VGLL4: variants seen among roughly 807,000 people sequenced by gnomAD.
VGLL4 encodes the protein transcription cofactor vestigial-like protein 4.
A neutral mutation model predicts 21.0 loss-of-function variants in VGLL4; 7 were observed. The observed-to-expected ratio is 0.33, with a 90% CI of 0.19 to 0.63. The LOEUF is 0.63. Ranked by LOEUF, VGLL4 falls within the 20% of genes least tolerant of loss-of-function variation. The pLI is 0.78. For synonymous variants in VGLL4, 222 were observed against 173.2 expected (o/e 1.28, Z -2.21); for missense variants, 394 against 425.7 (o/e 0.93, Z 0.66).
chr3:11,575,237 C>T (rs1018752568), intron 2 of VGLL4, among the ~76,000 whole-genome samples: 16 of 152,152 alleles, frequency 1.1e-4, no homozygotes, highest in South Asian at 2.1e-4. Context: ...GGAAGGCGGC[C>T]GCACTGAGTG....
intron 1 of VGLL4, among the ~76,000 whole-genome samples, chr3:11,712,958 T>C (rs1015958215): frequency 6.6e-6 from 1 of 152,312 alleles, no homozygotes; most frequent in South Asian, 2.1e-4. Context: ...AAAAGAAGAC[T>C]GTCACACCAG....
At chr3:11,682,749 C>T (rs945631762) in intron 2 of VGLL4, among the ~76,000 whole-genome samples, 1 of 151,988 alleles carries the variant, frequency 6.6e-6, no homozygotes, top group African/African-American at 2.4e-5. Context: ...AACTTTCCAT[C>T]TCTTACATCC....
chr3:11,659,252 C>A (rs2125352225), intron 2 of VGLL4, among the ~76,000 whole-genome samples: 1 of 150,408 alleles, frequency 6.6e-6, no homozygotes. Flanking sequence ...GACCTACAAA[C>A]AAACAATAGA....
Position 11,656,435 on chromosome 3 carries a change from T to A in VGLL4, c.64+46536A>T, listed in dbSNP as rs115280398. 7.4e-3 allele frequency among the ~76,000 whole-genome samples: 1,132 copies of A among 152,274 alleles called. 12 individuals carry two copies. The highest frequency in any genetic ancestry group is 0.026 in the African/African-American group (1,060 of 41,542). ...AGAGGAGTTCCCAGGGGTGCTGGTG[T>A]TGGCAGGGCCTTTAGGCTGGAAGGC... On this transcript the variant is annotated intron_variant, in intron 2 of 5. Coordinates refer to the VGLL4 transcript ENST00000273038.
chr3:11,581,359 G>A (rs1239142621), intron 2 of VGLL4, among the ~76,000 whole-genome samples: 1 of 152,132 alleles, frequency 6.6e-6, no homozygotes, highest in Non-Finnish European at 1.5e-5. Context: ...GAGCCACCGT[G>A]CCCAGCCATG....
At chr3:11,590,670 G>GTGTGTGTGTC (rs1161828018) in intron 2 of VGLL4, among the ~76,000 whole-genome samples, 2 of 130,104 alleles carry the variant, frequency 1.5e-5, no homozygotes, top group African/African-American at 5.8e-5. Context: ...AAGAGTGTGT[G>GTGTGTGTGTC]TGTGTGTGTG....
chr3:11,645,583 G>A (rs537917188), upstream of VGLL4, among the ~76,000 whole-genome samples: 7 of 86,094 alleles, frequency 8.1e-5, no homozygotes, highest in African/African-American at 1.9e-4. Context: ...CGGCCTGGGC[G>A]ACAGAGCGAG....
intron 2 of VGLL4, among the ~76,000 whole-genome samples, chr3:11,583,843 A>G (rs544969479): frequency 6.6e-6 from 1 of 152,170 alleles, no homozygotes; most frequent in African/African-American, 2.4e-5. Flanking sequence ...AAGCATACTC[A>G]TATCTCCCCA....
rs758954709 is a variant in VGLL4, at chr3:11,601,869, T to C, written c.236A>G (p.His79Arg). ...GDEDLDCDNDHVSKMSRIFNP... is the reference protein window; with the variant it reads ...GDEDLDCDNDRVSKMSRIFNP... Reference sequence around the variant, plus strand: ...GAAGATGCGACTCATTTTGGAGACGTGGTCGTTGTCACAGTCTAGGTCCTC... The same window carrying C: ...GAAGATGCGACTCATTTTGGAGACGCGGTCGTTGTCACAGTCTAGGTCCTC... Residue 79 changes from histidine (H) to arginine (R), a missense_variant, in exon 2 of 5, where the codon CAC (histidine) becomes CGC (arginine). By Grantham distance (29) the His-to-Arg change is conservative (BLOSUM62 0). Transcript: ENST00000430365. 5.6e-6 allele frequency: 9 copies of C among 1,613,646 alleles called. No individual in the cohort carries two copies. The highest frequency in any genetic ancestry group is 6.8e-6 in the Non-Finnish European group (8 of 1,179,870).
intron 1 of VGLL4, chr3:11,633,741 C>T (rs1055772960): frequency 5.3e-5 from 8 of 152,144 alleles, no homozygotes; most frequent in African/African-American, 1.9e-4. Flanking sequence ...AGCCCTTGCC[C>T]TTGAGGGACT....
Position 11,558,844 on chromosome 3 carries a change from A to T in VGLL4, c.620-17T>A, listed in dbSNP as rs200508121. 8 of 1,608,398 alleles carry T rather than the reference A, an allele frequency of 5.0e-6. No homozygotes were observed. In the Admixed American group the frequency reaches 1.0e-4, roughly 20 times the overall value. On this transcript the variant is annotated splice_polypyrimidine_tract_variant and intron_variant, in intron 4 of 4. Coordinates refer to ENST00000430365, the MANE Select transcript of VGLL4 (RefSeq NM_001128219.3). ...TGGTGGCAGCTGCAGGCAAGCAGGA[A>T]GGCAGGCAGTCAGACACAGGTGGCT...
At chr3:11,705,613 A>T (rs1357626167) in intron 1 of VGLL4, among the ~76,000 whole-genome samples, 1 of 152,238 alleles carries the variant, frequency 6.6e-6, no homozygotes, top group Non-Finnish European at 1.5e-5. Context: ...GGAACTGACT[A>T]ACAGAAAAAA....
Position 11,719,135 on chromosome 3 carries a change from C to T in VGLL4, c.-14+1259G>A, listed in dbSNP as rs966793734. Among the ~76,000 whole-genome samples, 2 of 152,190 alleles carry T rather than the reference C, an allele frequency of 1.3e-5. No individual in the cohort carries two copies. The highest frequency in any genetic ancestry group is 2.9e-5 in the Non-Finnish European group (2 of 68,024). The stretch of plus-strand genomic sequence containing the variant: ...ACAGGAAGAGTACGGTGCCCCTTCC[C>T]GCAGTCCACATCACAGCCCTCCCTG... On this transcript the variant is annotated intron_variant, in intron 1 of 5. Transcript: ENST00000273038. The surrounding 1 kb of genome is among the most constrained non-coding windows in gnomAD (Gnocchi z 4.0).
At chr3:11,569,052 C>A in intron 2 of VGLL4, 1 of 513,582 alleles carries the variant, frequency 1.9e-6, no homozygotes, top group Non-Finnish European at 2.6e-6. Context: ...GCTAAGAAAC[C>A]AAGAATGTCC....
In VGLL4 at chr3:11,564,834, C is replaced by T; in HGVS notation, c.458G>A (p.Gly153Asp). 3 of 1,594,938 alleles carry T rather than the reference C, an allele frequency of 1.9e-6. No individual in the cohort carries two copies. In the South Asian group the frequency reaches 3.4e-5, roughly 18 times the overall value. ...CCCCGGGGTCAGTGTGGGCGAGAGGCCGGCTGGCCTGCTGGCGTCCAGGCT... is the reference window on the plus strand; with the variant it reads ...CCCCGGGGTCAGTGTGGGCGAGAGGTCGGCTGGCCTGCTGGCGTCCAGGCT... ...KNSLDASRPA[G>D]LSPTLTPGER... Residue 153 changes from glycine (G) to aspartate (D), a missense_variant, in exon 3 of 5, where the codon GGC becomes GAC. By Grantham distance (94) the Gly-to-Asp change is moderately conservative (BLOSUM62 -1). Transcript: ENST00000430365.
At chr3:11,575,582 A>G (rs1184332416) in intron 2 of VGLL4, among the ~76,000 whole-genome samples, 2 of 152,200 alleles carry the variant, frequency 1.3e-5, no homozygotes, top group Non-Finnish European at 2.9e-5. Context: ...GCGGATCCGG[A>G]ACCACAGTGT....
intron 2 of VGLL4, among the ~76,000 whole-genome samples, chr3:11,682,910 G>A (rs1302365585): frequency 6.6e-6 from 1 of 152,078 alleles, no homozygotes; most frequent in Non-Finnish European, 1.5e-5. Flanking sequence ...GGAAGCAGAG[G>A]TTTCCTGCAA....
At chr3:11,708,355 T>C (rs1440871624) in intron 1 of VGLL4, among the ~76,000 whole-genome samples, 1 of 152,172 alleles carries the variant, frequency 6.6e-6, no homozygotes, top group African/African-American at 2.4e-5. Context: ...ACCTAAAGAA[T>C]GAGAAGAATT....
intron 2 of VGLL4, among the ~76,000 whole-genome samples, chr3:11,570,855 G>A (rs1251132323): frequency 6.6e-6 from 1 of 152,152 alleles, no homozygotes; most frequent in African/African-American, 2.4e-5. Flanking sequence ...ACACACAGGA[G>A]TGAACTCATC....
Sources: gnomAD v4.1 joint callset for allele counts (sites outside exome capture counted in the v4.1 genomes callset) on GRCh38, gnomAD v4.1.1 for gene constraint, Gnocchi (gnomAD v3.1) non-coding constraint, MANE v1.5 for transcripts, NCBI Gene and HGNC (gene_info 2026-07-23, HGNC 2026-07-21) for gene names.